The following ZFR variants were observed in gnomAD, a reference collection of about 807,000 sequenced individuals.
ZFR encodes zinc finger RNA-binding protein.
Under a neutral mutation model 130.7 loss-of-function variants are expected in ZFR, and 19 were observed. That is an observed-to-expected ratio of 0.15 (90% CI 0.10 to 0.21). ZFR has a LOEUF of 0.21. ZFR is among the 10% of genes least tolerant of loss of function. ZFR has a pLI of 1.00. For missense variants in ZFR, 872 were observed against 1,321.5 expected (o/e 0.66, Z 5.27); for synonymous variants, 466 against 456.9 (o/e 1.02, Z -0.25).
chr5:32,421,839 G>GTTTACATTATGAACTGTTTACAATAT (rs1753965861), intron 2 of ZFR, among the ~76,000 whole-genome samples: 1 of 152,148 alleles, frequency 6.6e-6, no homozygotes, highest in Admixed American at 6.5e-5. Flanking sequence ...CAATATGACA[G>GTTTACATTATGAACTGTTTACAATAT]GAAAAGTTTA....
Position 32,387,659 on chromosome 5 carries a change from C to T in ZFR, c.2389G>A (p.Gly797Arg). The change falls in exon 14 of 20, where the codon GGA becomes AGA. Residue 797 changes from glycine (G) to arginine (R), a missense_variant. Transcript: ENST00000265069. ...TTTCTATCTCCTCGGAGAAGTAATCCTTTTGCCAATACTCCCACTCGCAAA... is the reference window on the plus strand; with the variant it reads ...TTTCTATCTCCTCGGAGAAGTAATCTTTTTGCCAATACTCCCACTCGCAAA... ...GVLRVGVLAK[G>R]LLLRGDRNVN... The T allele has an allele frequency of 6.2e-7, 1 of 1,612,904 alleles. No individual in the cohort carries two copies. Among genetic ancestry groups the T allele is most frequent in the Non-Finnish European group, 8.5e-7 (1 of 1,179,274 alleles).
At chr5:32,384,747 T>C (rs1049134823) in intron 15 of ZFR, among the ~76,000 whole-genome samples, 1 of 152,190 alleles carries the variant, frequency 6.6e-6, no homozygotes, top group African/African-American at 2.4e-5. Context: ...TTAAAAGCTT[T>C]TGAAGCTTTG....
At chr5:32,374,735 C>A (rs191971048) in intron 17 of ZFR, among the ~76,000 whole-genome samples, 4 of 150,902 alleles carry the variant, frequency 2.7e-5, no homozygotes, top group Admixed American at 2.6e-4. Context: ...AAAAAAAAAT[C>A]CTAAAATAGC....
At chr5:32,391,267 T>C (rs560927247) in intron 11 of ZFR, among the ~76,000 whole-genome samples, 8 of 152,292 alleles carry the variant, frequency 5.3e-5, no homozygotes. Flanking sequence ...GGAAAACATA[T>C]AGCATATACA....
At chr5:32,422,963 AC>A (rs1753989541) in intron 2 of ZFR, among the ~76,000 whole-genome samples, 1 of 152,064 alleles carries the variant, frequency 6.6e-6, no homozygotes, top group African/African-American at 2.4e-5. Flanking sequence ...CCAGCTCCTT[AC>A]CTACTTATCA....
chr5:32,384,132 A>C (rs1326954206), intron 15 of ZFR, among the ~76,000 whole-genome samples: 1 of 152,242 alleles, frequency 6.6e-6, no homozygotes, highest in Non-Finnish European at 1.5e-5. Context: ...TAACTGAACA[A>C]AATGTATTCT....
At chr5:32,431,792 T>C (rs1318103849) in intron 2 of ZFR, among the ~76,000 whole-genome samples, 1 of 151,600 alleles carries the variant, frequency 6.6e-6, no homozygotes, top group Non-Finnish European at 1.5e-5. Context: ...AAAGACAAAC[T>C]TCCTCACAGA....
chr5:32,427,086 A>G (rs1754090839), intron 2 of ZFR, among the ~76,000 whole-genome samples: 1 of 152,120 alleles, frequency 6.6e-6, no homozygotes, highest in Non-Finnish European at 1.5e-5. Flanking sequence ...TAAACAGGCA[A>G]TTAAGAAAAC....
chr5:32,438,454 G>C (rs1369393223), intron 2 of ZFR, among the ~76,000 whole-genome samples: 2 of 151,598 alleles, frequency 1.3e-5, no homozygotes, highest in African/African-American at 4.8e-5. Context: ...GTAGAGACGG[G>C]GTTTCTCCAT....
intron 5 of ZFR, among the ~76,000 whole-genome samples, chr5:32,414,003 G>A (rs960960097): frequency 1.3e-5 from 2 of 151,986 alleles, no homozygotes; most frequent in African/African-American, 4.8e-5. Context: ...CTGGTTGTCC[G>A]GTTAACTTAC....
chr5:32,382,654 G>A (rs898929519), intron 15 of ZFR, among the ~76,000 whole-genome samples: 4 of 151,962 alleles, frequency 2.6e-5, no homozygotes, highest in African/African-American at 9.7e-5. Context: ...TTGTCGCCCA[G>A]GCCAGAGTGC....
Position 32,426,485 on chromosome 5 carries a change from G to A in ZFR, c.138-6382C>T, listed in dbSNP as rs192806640. Among the ~76,000 whole-genome samples, 8 of 152,016 alleles carry A rather than the reference G, an allele frequency of 5.3e-5. No individual in the cohort carries two copies. The South Asian group carries it at 1.0e-3, about 20-fold the overall frequency. On this transcript the variant is annotated intron_variant, in intron 2 of 19. Coordinates refer to ENST00000265069, the MANE Select transcript of ZFR (RefSeq NM_016107.5). ...AAAGCCCATAGCTAACCTCACACTC[G>A]ATGACACACTGAAAGCTTTTCCTCT...
chr5:32,374,180 T>C (rs1363566721), intron 17 of ZFR, among the ~76,000 whole-genome samples: 1 of 152,160 alleles, frequency 6.6e-6, no homozygotes, highest in East Asian at 1.9e-4. Flanking sequence ...GGAAGCAGGA[T>C]CATGATGTAC....
Position 32,373,485 on chromosome 5 carries a change from A to T in ZFR, c.2835+5630T>A, listed in dbSNP as rs1005919017. Among the ~76,000 whole-genome samples, 7 of 152,330 alleles carry T rather than the reference A, an allele frequency of 4.6e-5. No homozygotes were observed. The East Asian group carries it at 1.3e-3, about 29-fold the overall frequency. Reference sequence around the variant, plus strand: ...TTACAAAGCATTACCTATGCAGCCAAAACTCTTGTGTTCGTCTTTAAACTG... The same window carrying T: ...TTACAAAGCATTACCTATGCAGCCATAACTCTTGTGTTCGTCTTTAAACTG... On this transcript the variant is annotated intron_variant, in intron 17 of 19. Transcript: ENST00000265069.
chr5:32,438,483 G>A (rs950276884), intron 2 of ZFR, among the ~76,000 whole-genome samples: 16 of 151,802 alleles, frequency 1.1e-4, no homozygotes, highest in Non-Finnish European at 7.4e-5. Context: ...GGCTGGTCTC[G>A]AATTCCCAAC....
At chr5:32,405,436 C>T (rs1753559646) in intron 6 of ZFR, among the ~76,000 whole-genome samples, 1 of 152,206 alleles carries the variant, frequency 6.6e-6, no homozygotes, top group South Asian at 2.1e-4. Context: ...CTGACACTGA[C>T]TTGCAGAAAT....
intron 14 of ZFR, among the ~76,000 whole-genome samples, chr5:32,387,124 C>T (rs1310246548): frequency 1.3e-5 from 2 of 151,852 alleles, no homozygotes; most frequent in Non-Finnish European, 2.9e-5. Flanking sequence ...ATCAGAAACA[C>T]TATTTTAGTT....
chr5:32,363,762 T>A (rs1488756354), intron 19 of ZFR, among the ~76,000 whole-genome samples, 186 bp downstream of exon 19: 1 of 152,232 alleles, frequency 6.6e-6, no homozygotes, highest in African/African-American at 2.4e-5. Context: ...AATAAAATTT[T>A]AAACTCTATT....
chr5:32,414,514 T>C (rs780400564), intron 5 of ZFR, among the ~76,000 whole-genome samples: 5 of 152,226 alleles, frequency 3.3e-5, no homozygotes, highest in African/African-American at 9.6e-5. Flanking sequence ...CACCATCTTA[T>C]GGATGTTTAG....
Sources: allele counts gnomAD v4.1 joint callset (sites outside exome capture counted in the v4.1 genomes callset), GRCh38; gene constraint gnomAD v4.1.1; transcripts MANE v1.5; gene names NCBI Gene and HGNC (gene_info 2026-07-23, HGNC 2026-07-21).